RORA: variants seen among roughly 807,000 people sequenced by gnomAD.
RORA encodes RAR related orphan receptor A, also known as nuclear receptor ROR-alpha.
RORA carries 7 observed loss-of-function variants against 69.5 expected under a neutral mutation model. That is an observed-to-expected ratio of 0.10 (90% CI 0.06 to 0.19). The LOEUF is 0.19. RORA is among the 10% of genes least tolerant of loss of function. The pLI is 1.00. For missense variants in RORA, 457 were observed against 663.0 expected, an observed-to-expected ratio of 0.69 and a Z score of 3.41; for synonymous variants, 261 against 240.8, an observed-to-expected ratio of 1.08 and a Z score of -0.78.
chr15:60,646,466 T>C (rs2070048219), intron 2 of RORA, among the ~76,000 whole-genome samples: 1 of 152,196 alleles, frequency 6.6e-6, no homozygotes. Context: ...GGTATCACTT[T>C]TGAATTCCCA....
chr15:60,692,074 A>G (rs2070835494), intron 1 of RORA, among the ~76,000 whole-genome samples: 1 of 152,204 alleles, frequency 6.6e-6, no homozygotes, highest in African/African-American at 2.4e-5. Flanking sequence ...TCTTAGATAC[A>G]ACAGCTTAGA....
At chr15:60,502,705 C>T (rs1364979836) in intron 8 of RORA, 55 bp downstream of exon 8, 42 of 1,079,022 alleles carry the variant, frequency 3.9e-5, no homozygotes, top group Non-Finnish European at 5.7e-5. Flanking sequence ...TCACTCAACC[C>T]GCATCTTTTC....
intron 1 of RORA, among the ~76,000 whole-genome samples, chr15:61,145,146 C>T (rs1041055286): frequency 6.6e-6 from 1 of 152,112 alleles, no homozygotes; most frequent in Non-Finnish European, 1.5e-5. Context: ...GATATCTGTA[C>T]AAAGATTTTA....
chr15:61,059,133 G>A (rs1227587995), intron 1 of RORA, among the ~76,000 whole-genome samples: 1 of 152,204 alleles, frequency 6.6e-6, no homozygotes, highest in South Asian at 2.1e-4. Context: ...TGGGCAGAGG[G>A]ATGTTACAGC....
chr15:61,055,184 T>A (rs1472826222), intron 1 of RORA, among the ~76,000 whole-genome samples: 1 of 146,672 alleles, frequency 6.8e-6, no homozygotes, highest in African/African-American at 2.6e-5. Flanking sequence ...GTGCTAAAGG[T>A]GCCACTTGAC....
intron 2 of RORA, among the ~76,000 whole-genome samples, chr15:60,542,650 GGGCACACCTCA>G (rs2066924960): frequency 5.1e-4 from 54 of 105,098 alleles, no homozygotes; most frequent in African/African-American, 2.5e-3. Context: ...CACGACACAC[GGGCACACCTCA>G]CACACATGGC....
chr15:61,132,463 G>A (rs1358578588), intron 1 of RORA, among the ~76,000 whole-genome samples: 2 of 151,748 alleles, frequency 1.3e-5, no homozygotes, highest in Non-Finnish European at 2.9e-5. Context: ...TCCCAGTTCC[G>A]GATAAAAGGA....
rs1195703459 is a variant in RORA at position 60,514,717 on chromosome 15, G to C, written c.323C>G (p.Ser108Cys). The stretch of plus-strand genomic sequence containing the variant: ...CAAACAGTTCTTCTGACGAGGACAG[G>C]AGTAGGTGGCATTGCTTTGCTGACT... ...RRSQQSNATY[S>C]CPRQKNCLID... The change falls in exon 4 of 11, where the codon TCC becomes TGC. Residue 108 changes from serine to cysteine, a missense_variant. Coordinates refer to ENST00000335670, the MANE Select transcript of RORA (RefSeq NM_134261.3). 2 of 1,613,988 alleles carry C rather than the reference G, an allele frequency of 1.2e-6. No individual in the cohort carries two copies. The highest frequency in any genetic ancestry group is 1.7e-6 in the Non-Finnish European group (2 of 1,179,884).
At chr15:60,917,039 C>T (rs935172638) in intron 1 of RORA, among the ~76,000 whole-genome samples, 11 of 152,144 alleles carry the variant, frequency 7.2e-5, no homozygotes, top group African/African-American at 2.7e-4. Flanking sequence ...GAAGAAGTAT[C>T]CGGCTTCCAG....
chr15:60,841,166 C>G, intron 1 of RORA: 1 of 753,818 alleles, frequency 1.3e-6, no homozygotes, highest in Non-Finnish European at 1.6e-6. Context: ...ACAGCTGACA[C>G]AGCTTGGAGA....
intron 1 of RORA, among the ~76,000 whole-genome samples, chr15:61,058,188 T>C (rs1205242841): frequency 6.6e-6 from 1 of 151,794 alleles, no homozygotes; most frequent in East Asian, 1.9e-4. Context: ...TGTTGTGAGA[T>C]TGTGAGGAAA....
At chr15:61,198,262 T>C (rs1404862866) in intron 1 of RORA, among the ~76,000 whole-genome samples, 1 of 152,176 alleles carries the variant, frequency 6.6e-6, no homozygotes, top group Non-Finnish European at 1.5e-5. Flanking sequence ...GCCAGGTTCT[T>C]TTAAAAGAGT....
chr15:60,596,374 G>A (rs2068666420), intron 2 of RORA, among the ~76,000 whole-genome samples: 1 of 152,094 alleles, frequency 6.6e-6, no homozygotes, highest in Non-Finnish European at 1.5e-5. Flanking sequence ...AAAGGGATCA[G>A]TGAAAGGTTA....
intron 1 of RORA, among the ~76,000 whole-genome samples, chr15:60,901,238 C>G (rs2140467936): frequency 6.6e-6 from 1 of 152,178 alleles, no homozygotes; most frequent in Admixed American, 6.5e-5. Context: ...GTGGTGCGAT[C>G]TCAGCTCACT....
chr15:60,552,236 C>T (rs1312580036), intron 2 of RORA, among the ~76,000 whole-genome samples: 2 of 152,150 alleles, frequency 1.3e-5, no homozygotes, highest in African/African-American at 2.4e-5. Context: ...CCTCAGTCTC[C>T]GTCTGAGCCA....
At chr15:60,660,276 G>A (rs2070284878) in intron 2 of RORA, among the ~76,000 whole-genome samples, 1 of 152,188 alleles carries the variant, frequency 6.6e-6, no homozygotes, top group Non-Finnish European at 1.5e-5. Context: ...CTATGAATCA[G>A]ATATAAATGT....
intron 1 of RORA, among the ~76,000 whole-genome samples, chr15:60,955,738 G>A (rs1033787234): frequency 3.3e-5 from 5 of 152,186 alleles, no homozygotes; most frequent in Non-Finnish European, 7.3e-5. Context: ...AGCCAGGGTG[G>A]AGCAAGAGGA....
chr15:61,053,860 T>TATATATATATAA (rs1427951896), intron 1 of RORA, among the ~76,000 whole-genome samples: 1 of 139,454 alleles, frequency 7.2e-6, no homozygotes, highest in African/African-American at 2.7e-5. Context: ...TATATATATA[T>TATATATATATAA]ATAAACATTC....
chr15:60,624,005 G>A (rs765054760), intron 2 of RORA, among the ~76,000 whole-genome samples: 10 of 151,984 alleles, frequency 6.6e-5, no homozygotes, highest in Non-Finnish European at 1.3e-4. Context: ...GGTATGTGGA[G>A]GACATGGAGC....
Sources: gnomAD v4.1 joint callset for allele counts (sites outside exome capture counted in the v4.1 genomes callset) on GRCh38, gnomAD v4.1.1 for gene constraint, MANE v1.5 for transcripts, NCBI Gene and HGNC (gene_info 2026-07-23, HGNC 2026-07-21) for gene names.